Variants in NUBPL observed in about 807,000 individuals in gnomAD.
NUBPL encodes the protein iron-sulfur cluster transfer protein NUBPL.
NUBPL carries 31 observed loss-of-function variants against 45.7 expected under a neutral mutation model. The observed-to-expected ratio is 0.68, with a 90% CI of 0.51 to 0.92. The LOEUF (loss-of-function observed/expected upper bound fraction) is 0.92. Ranked by LOEUF, NUBPL falls within the 40% of genes least tolerant of loss-of-function variation. The pLI is 0.00. For missense variants in NUBPL, 401 were observed against 398.7 expected, an observed-to-expected ratio of 1.01 and a Z score of -0.05; for synonymous variants, 144 against 140.9, an observed-to-expected ratio of 1.02 and a Z score of -0.15.
chr14:31,746,422 C>G (rs973118504), intron 6 of NUBPL, among the ~76,000 whole-genome samples: 1 of 151,872 alleles, frequency 6.6e-6, no homozygotes, highest in Admixed American at 6.6e-5. Flanking sequence ...TTGTTAAATG[C>G]TTTTTCTGTA....
At chr14:31,667,612 A>G (rs1348015509) in intron 4 of NUBPL, among the ~76,000 whole-genome samples, 2 of 152,052 alleles carry the variant, frequency 1.3e-5, no homozygotes, top group African/African-American at 4.8e-5. Flanking sequence ...AGTTGTGATT[A>G]CTTGGAGGAG....
Position 31,599,394 on chromosome 14 carries a change from G to T in NUBPL, c.382+15G>T. 1 of 1,545,288 alleles carries T rather than the reference G, an allele frequency of 6.5e-7. No individual in the cohort carries two copies. Among genetic ancestry groups the T allele is most frequent in the Non-Finnish European group, 8.9e-7 (1 of 1,118,936 alleles). On this transcript the variant is annotated intron_variant, in intron 4 of 10. Transcript: ENST00000281081. ...ATTATCACAGAGTAAGTAAAGAAGG[G>T]ATAAATATTATAATAATAGTTGCAC...
intron 6 of NUBPL, among the ~76,000 whole-genome samples, chr14:31,745,109 T>G (rs187574460): frequency 6.6e-6 from 1 of 152,152 alleles, no homozygotes; most frequent in East Asian, 1.9e-4. Context: ...TGTGCAGGTT[T>G]GTTACATATG....
intron 6 of NUBPL, among the ~76,000 whole-genome samples, chr14:31,766,545 C>G (rs1455598500): frequency 6.6e-6 from 1 of 152,150 alleles, no homozygotes; most frequent in South Asian, 2.1e-4. Flanking sequence ...TCTAAATGCT[C>G]AAAGAAACAA....
At chr14:31,784,181 A>C (rs936780258) in intron 6 of NUBPL, among the ~76,000 whole-genome samples, 1 of 152,172 alleles carries the variant, frequency 6.6e-6, no homozygotes. Context: ...AAAACAAAGA[A>C]ATTTAACAGG....
In NUBPL at chr14:31,826,646, A is replaced by G; in HGVS notation, c.625A>G (p.Thr209Ala). The stretch of plus-strand genomic sequence containing the variant: ...TTGGCTAGGTGCTGTGATTGTCTCC[A>G]CGCCCCAGGACATCGCATTGATGGA... Reference protein sequence around the residue: ...IPITGAVIVSTPQDIALMDAH... With the variant: ...IPITGAVIVSAPQDIALMDAH... The change falls in exon 8 of 11, where the codon ACG becomes GCG. Residue 209 changes from threonine to alanine, a missense_variant. By Grantham distance (58) the Thr-to-Ala change is moderately conservative. Transcript: ENST00000281081. 1 of 1,614,108 alleles carries G rather than the reference A, an allele frequency of 6.2e-7. No individual in the cohort carries two copies. The highest frequency in any genetic ancestry group is 1.1e-5 in the South Asian group (1 of 91,086).
chr14:31,774,448 C>G (rs1289508959), intron 6 of NUBPL, among the ~76,000 whole-genome samples: 4 of 152,178 alleles, frequency 2.6e-5, no homozygotes, highest in Non-Finnish European at 2.9e-5. Context: ...CCTATTTGCA[C>G]TTGTGTTCCC....
intron 7 of NUBPL, among the ~76,000 whole-genome samples, chr14:31,790,227 T>C (rs1367545139): frequency 6.6e-6 from 1 of 152,218 alleles, no homozygotes; most frequent in Non-Finnish European, 1.5e-5. Context: ...GGACAAGATT[T>C]ATGATTAAAT....
chr14:31,561,424 A>T lies in NUBPL; in HGVS notation c.-16A>T. 2.9e-6 allele frequency: 4 copies of T among 1,379,662 alleles called. No individual in the cohort carries two copies. The South Asian group carries it at 7.6e-5, about 26-fold the overall frequency. The allele number at this position is 1,379,662 out of a possible 1,614,324, so 85.5% of individuals were successfully genotyped here. ...GCGACAGTTTCCCAGCAGGGCTCACAGCAGCGTTCCGCGTCATGGGGATTT... is the reference window on the plus strand; with the variant it reads ...GCGACAGTTTCCCAGCAGGGCTCACTGCAGCGTTCCGCGTCATGGGGATTT... On this transcript the variant is annotated 5_prime_UTR_variant, in exon 1 of 11. Coordinates refer to ENST00000281081, the MANE Select transcript of NUBPL (RefSeq NM_025152.3).
At chr14:31,612,579 C>T (rs191712229) in intron 4 of NUBPL, among the ~76,000 whole-genome samples, 3 of 151,484 alleles carry the variant, frequency 2.0e-5, no homozygotes, top group East Asian at 3.9e-4. Flanking sequence ...GAGAATTGCT[C>T]GAACCCAGGA....
intron 6 of NUBPL, among the ~76,000 whole-genome samples, chr14:31,681,759 G>T (rs914979704): frequency 6.6e-6 from 1 of 151,956 alleles, no homozygotes. Flanking sequence ...TCAGTTAAAA[G>T]TAGTTTCTAA....
rs112393078 is a variant in NUBPL at position 31,840,299 on chromosome 14, C to T, written c.694-6172C>T. On this transcript the variant is annotated intron_variant, in intron 8 of 10. Transcript: ENST00000281081. ...TTTAAAAAGAGAGAAATTGGCCAGG[C>T]GCGGTGGCTCACACCTGTAATCCCA... 2.2e-3 allele frequency among the ~76,000 whole-genome samples: 333 copies of T among 152,218 alleles called. 1 individual carries two copies. Among genetic ancestry groups the T allele is most frequent in the African/African-American group, 7.2e-3 (300 of 41,528 alleles).
At chr14:31,675,820 A>G (rs964469723) in intron 6 of NUBPL, among the ~76,000 whole-genome samples, 2 of 152,302 alleles carry the variant, frequency 1.3e-5, no homozygotes, top group South Asian at 2.1e-4. Context: ...GATTTTCAGT[A>G]TATAATTCAG....
rs537247046 is a variant in NUBPL, at chr14:31,573,798, G to T, written c.291+8750G>T. 1.4e-4 allele frequency among the ~76,000 whole-genome samples: 22 copies of T among 152,282 alleles called. No homozygotes were observed. In the East Asian group the frequency reaches 2.1e-3, roughly 15 times the overall value. On this transcript the variant is annotated intron_variant, in intron 3 of 10. Coordinates refer to ENST00000281081, the MANE Select transcript of NUBPL (RefSeq NM_025152.3). ...TCTCTGCTATGGTGCCTTGAGGAAA[G>T]GATGAACACTTTCTATATTATTTTA...
intron 6 of NUBPL, among the ~76,000 whole-genome samples, chr14:31,739,243 T>TA (rs1566533817): frequency 2.0e-5 from 2 of 99,632 alleles, no homozygotes; most frequent in African/African-American, 5.7e-5. Context: ...TTATATTCTA[T>TA]ATATATATAT....
intron 4 of NUBPL, among the ~76,000 whole-genome samples, chr14:31,649,640 A>G (rs1214289447): frequency 6.6e-6 from 1 of 152,210 alleles, no homozygotes; most frequent in Non-Finnish European, 1.5e-5. Context: ...TTTGTATAAT[A>G]AAGTCTCACC....
chr14:31,639,686 A>C (rs533923587), intron 4 of NUBPL, among the ~76,000 whole-genome samples: 8 of 152,276 alleles, frequency 5.3e-5, no homozygotes, highest in Admixed American at 5.2e-4. Context: ...TACCCCAGAG[A>C]TGGAGCCTAC....
chr14:31,632,277 TGA>T lies in NUBPL; in HGVS notation c.382+32906_382+32907del, dbSNP rs372604998. On this transcript the variant is annotated intron_variant, in intron 4 of 10. Coordinates refer to ENST00000281081, the MANE Select transcript of NUBPL (RefSeq NM_025152.3). Reference sequence around the variant, plus strand: ...GTTGGGGGGAAGGAGTATCCAAATCTGAGAGAGAGTCTTGTAGAGATGTCTGC... The same window carrying T: ...GTTGGGGGGAAGGAGTATCCAAATCTGAGAGAGTCTTGTAGAGATGTCTGC... Among the ~76,000 whole-genome samples, 988 of 152,302 alleles carry T rather than the reference TGA, an allele frequency of 6.5e-3. 11 individuals are homozygous for T. Among genetic ancestry groups the T allele is most frequent in the African/African-American group, 0.022 (925 of 41,564 alleles).
chr14:31,829,826 G>A (rs2040161717), intron 8 of NUBPL, among the ~76,000 whole-genome samples: 1 of 152,112 alleles, frequency 6.6e-6, no homozygotes, highest in South Asian at 2.1e-4. Flanking sequence ...GAAGAGATGA[G>A]CTATTAAATT....
Sources: gnomAD v4.1 joint callset for allele counts (sites outside exome capture counted in the v4.1 genomes callset) on GRCh38, gnomAD v4.1.1 for gene constraint, MANE v1.5 for transcripts, NCBI Gene and HGNC (gene_info 2026-07-23, HGNC 2026-07-21) for gene names.